The following EPB41 variants were observed in gnomAD, a reference collection of about 807,000 sequenced individuals.
EPB41 encodes protein 4.1.
Under a neutral mutation model 108.0 loss-of-function variants are expected in EPB41, and 65 were observed. The ratio of observed to expected loss-of-function variants is 0.60; its 90% CI spans 0.49 to 0.74. EPB41 has a LOEUF of 0.74. Ranked by LOEUF, EPB41 falls within the 30% of genes least tolerant of loss-of-function variation. The probability of loss-of-function intolerance (pLI) is 0.00; values close to 1 mark genes in which losing one functional copy is unlikely to be tolerated. For synonymous variants in EPB41, 336 were observed against 358.9 expected (o/e 0.94, Z 0.72); for missense variants, 875 against 1,037.0 (o/e 0.84, Z 2.15).
intron 16 of EPB41, among the ~76,000 whole-genome samples, chr1:29,067,085 T>C (rs1053303109): frequency 6.6e-6 from 1 of 151,556 alleles, no homozygotes; most frequent in Non-Finnish European, 1.5e-5. Context: ...CCGGGCTTGG[T>C]GGCTCACACC....
rs577202087 is a variant in EPB41, at chr1:28,984,454, A to G, written c.-7-2977A>G. ...ACAAGAATGTAAACTCCATGATGAC[A>G]TAGACCTTGACTGTTTTGTTTACTG... On this transcript the variant is annotated intron_variant, in intron 1 of 20. Coordinates refer to ENST00000343067, the MANE Select transcript of EPB41 (RefSeq NM_001376013.1). Among the ~76,000 whole-genome samples, 8 of 152,324 alleles carry G rather than the reference A, an allele frequency of 5.3e-5. No individual in the cohort carries two copies. In the South Asian group the frequency reaches 1.7e-3, roughly 32 times the overall value.
Position 29,033,119 on chromosome 1 carries a change from A to G in EPB41, c.1239A>G (p.Leu413=), listed in dbSNP as rs2096811471. Residue 413 remains leucine (L), a synonymous_variant, in exon 9 of 21, where the codon CTA becomes CTG. Transcript: ENST00000343067. ...ACTTGGAAGGAGTAGATATCATCCT[A>G]GGTGTCTGCTCTAGTGGCCTTCTGG... ...AKDLEGVDII[L]GVCSSGLLVY... is the part of the protein sequence containing the mutation. 1.2e-6 allele frequency: 2 copies of G among 1,613,842 alleles called. No individual in the cohort carries two copies. The highest frequency in any genetic ancestry group is 1.7e-6 in the Non-Finnish European group (2 of 1,179,930).
At position 29,096,518 on chromosome 1, in the gene EPB41, C is replaced by A. The variant is rs943127421; in HGVS notation, c.2185-1289C>A. The A allele has an allele frequency of 5.1e-6, 5 of 985,692 alleles. No individual in the cohort carries two copies. The African/African-American group carries it at 8.7e-5, about 17-fold the overall frequency. 61.1% of individuals were successfully genotyped at this position (985,692 alleles called of 1,614,324 possible). A position where few individuals can be genotyped will look rare whatever the true frequency, so the allele number is the denominator to read the frequency against. ...AGAGAGTAGTGAAGAACATGTTACA[C>A]CAGGAGAGCCACCTGGAAAACAAAA... On this transcript the variant is annotated intron_variant, in intron 16 of 20. Transcript: ENST00000343067.
chr1:29,111,509 C>T (rs1489610559), intron 18 of EPB41, among the ~76,000 whole-genome samples: 1 of 151,708 alleles, frequency 6.6e-6, no homozygotes, highest in Admixed American at 6.6e-5. Context: ...AAAAATTAGC[C>T]GGGCGTGGTG....
At chr1:29,097,312 A>C (rs1177762199) in intron 16 of EPB41, 2 of 170,250 alleles carry the variant, frequency 1.2e-5, no homozygotes, top group African/African-American at 2.4e-5. Flanking sequence ...TCTTCTCAAT[A>C]ACTCCAAAGT....
intron 1 of EPB41, among the ~76,000 whole-genome samples, chr1:28,957,078 AAGTC>A (rs1423055640): frequency 6.6e-6 from 1 of 152,270 alleles, no homozygotes; most frequent in African/African-American, 2.4e-5. Flanking sequence ...AATCTGGAGT[AAGTC>A]AGCCCTGTTT....
chr1:29,048,501 G>A (rs531336235), intron 11 of EPB41, among the ~76,000 whole-genome samples: 9 of 152,200 alleles, frequency 5.9e-5, no homozygotes, highest in South Asian at 2.1e-4. Context: ...GTGAGCCACC[G>A]CGCCCGGCCT....
At chr1:28,916,614 G>T (rs1275004451) in intron 1 of EPB41, among the ~76,000 whole-genome samples, 1 of 152,136 alleles carries the variant, frequency 6.6e-6, no homozygotes, top group Non-Finnish European at 1.5e-5. Context: ...TTCAACCTGG[G>T]CAACAGAGCA....
chr1:29,009,030 C>T (rs577793193), intron 4 of EPB41, among the ~76,000 whole-genome samples: 1 of 152,252 alleles, frequency 6.6e-6, no homozygotes, highest in African/African-American at 2.4e-5. Context: ...AGCACTAGCA[C>T]ATATTTTTTA....
chr1:28,985,201 T>C (rs1306484987), intron 1 of EPB41, among the ~76,000 whole-genome samples: 2 of 152,046 alleles, frequency 1.3e-5, no homozygotes, highest in South Asian at 2.1e-4. Flanking sequence ...TGACCTCAGG[T>C]GATCTGCCCG....
chr1:28,986,258 G>C (rs919286526), intron 1 of EPB41, among the ~76,000 whole-genome samples: 1 of 152,168 alleles, frequency 6.6e-6, no homozygotes, highest in Admixed American at 6.5e-5. Context: ...ATGGGAAGAA[G>C]TACTTTTAGT....
chr1:28,914,999 G>A (rs1414724730), intron 1 of EPB41, among the ~76,000 whole-genome samples: 1 of 152,118 alleles, frequency 6.6e-6, no homozygotes, highest in Non-Finnish European at 1.5e-5. Context: ...GCTGAGGAAA[G>A]GGGAAGGGGT....
At chr1:28,908,298 A>C (rs997583824) in intron 1 of EPB41, among the ~76,000 whole-genome samples, 48 of 150,372 alleles carry the variant, frequency 3.2e-4, no homozygotes, top group Admixed American at 6.6e-4. Context: ...GCTGCTCGGG[A>C]GGCTGAGGCA....
chr1:28,931,042 A>C (rs1467978159), intron 1 of EPB41, among the ~76,000 whole-genome samples: 1 of 152,182 alleles, frequency 6.6e-6, no homozygotes, highest in Non-Finnish European at 1.5e-5. Flanking sequence ...TATGAATACA[A>C]AACTAGGGAT....
At chr1:28,983,755 T>G (rs986850689) in intron 1 of EPB41, among the ~76,000 whole-genome samples, 31 of 152,276 alleles carry the variant, frequency 2.0e-4, no homozygotes, top group Middle Eastern at 6.8e-3. Flanking sequence ...GAGGGCATGT[T>G]ACAGTGCTCT....
intron 16 of EPB41, among the ~76,000 whole-genome samples, chr1:29,082,100 G>A (rs1045229982): frequency 6.6e-6 from 1 of 152,112 alleles, no homozygotes; most frequent in African/African-American, 2.4e-5. Context: ...GTAGAATCAA[G>A]GTAACTATTT....
chr1:29,021,515 A>G (rs2096644854), intron 7 of EPB41, among the ~76,000 whole-genome samples: 1 of 152,140 alleles, frequency 6.6e-6, no homozygotes, highest in African/African-American at 2.4e-5. Flanking sequence ...TGCATACTGA[A>G]GCACAACAGT....
intron 1 of EPB41, among the ~76,000 whole-genome samples, chr1:28,987,019 G>T (rs1179149860): frequency 9.2e-5 from 14 of 152,178 alleles, no homozygotes; most frequent in Non-Finnish European, 1.9e-4. Context: ...GGTGTGTGGA[G>T]AATTTTGCAG....
In EPB41 at chr1:28,934,138, G is replaced by A. The variant is rs147681516; in HGVS notation, c.-8+19370G>A. ...GATGATCTTGACAGTTTTGAGGGTT[G>A]TTGGTCAGATATTTGTAAGATTGCC... On this transcript the variant is annotated intron_variant, in intron 1 of 20. Transcript: ENST00000343067. 1.7e-3 allele frequency among the ~76,000 whole-genome samples: 256 copies of A among 152,168 alleles called. 1 individual carries two copies. Among genetic ancestry groups the A allele is most frequent in the African/African-American group, 5.7e-3 (237 of 41,514 alleles).
Sources: allele counts gnomAD v4.1 joint callset (sites outside exome capture counted in the v4.1 genomes callset), GRCh38; gene constraint gnomAD v4.1.1; transcripts MANE v1.5; gene names NCBI Gene and HGNC (gene_info 2026-07-23, HGNC 2026-07-21).